Variants in HTT observed in about 807,000 individuals in gnomAD.
The protein encoded by HTT is huntingtin, also known as huntington disease protein.
Under a neutral mutation model 362.3 loss-of-function variants are expected in HTT, and 104 were observed. The observed-to-expected ratio is 0.29, with a 90% CI of 0.24 to 0.34. The LOEUF (loss-of-function observed/expected upper bound fraction) is 0.34, where lower values mean the gene tolerates loss of function less well. Ranked by LOEUF, HTT falls within the 10% of genes least tolerant of loss-of-function variation. The pLI is 1.00. For missense variants in HTT, 3,301 were observed against 3,928.6 expected (o/e 0.84, Z 4.27); for synonymous variants, 1,577 against 1,548.7 (o/e 1.02, Z -0.43).
chr4:3,094,218 G>A (rs1215978852), intron 2 of HTT, among the ~76,000 whole-genome samples: 2 of 152,014 alleles, frequency 1.3e-5, no homozygotes, highest in African/African-American at 4.8e-5. Flanking sequence ...ATGTTTCAGA[G>A]AGCACGGGGT....
chr4:3,152,792 C>T (rs1578542457), intron 26 of HTT, among the ~76,000 whole-genome samples: 1 of 151,682 alleles, frequency 6.6e-6, no homozygotes, highest in South Asian at 2.1e-4. Flanking sequence ...GACTACAGGC[C>T]CATGTCACCA....
At chr4:3,076,029 A>T (rs34045730) in intron 1 of HTT, among the ~76,000 whole-genome samples, 9,280 of 152,268 alleles carry the variant, frequency 0.061, 356 homozygotes, top group African/African-American at 0.099. Flanking sequence ...CCAGTATTCC[A>T]GTCAGGCTTG....
intron 26 of HTT, among the ~76,000 whole-genome samples, chr4:3,151,044 CAA>C (rs1716857559): frequency 7.5e-6 from 1 of 134,070 alleles, no homozygotes; most frequent in Non-Finnish European, 1.6e-5. Context: ...GTCTCAAAAA[CAA>C]AACAAAACAA....
intron 57 of HTT, among the ~76,000 whole-genome samples, chr4:3,226,921 TC>T (rs1467915152): frequency 6.6e-6 from 1 of 152,240 alleles, no homozygotes; most frequent in Non-Finnish European, 1.5e-5. Flanking sequence ...GTCCCACTCT[TC>T]TGTCCTTTCA....
chr4:3,155,685 A>G, intron 27 of HTT, among the ~76,000 whole-genome samples: 1 of 147,402 alleles, frequency 6.8e-6, no homozygotes, highest in African/African-American at 2.5e-5. Flanking sequence ...TTCAAGACCA[A>G]ACTGGCCAGC....
chr4:3,237,893 A>G (rs1306368046), intron 64 of HTT, among the ~76,000 whole-genome samples: 2 of 152,220 alleles, frequency 1.3e-5, no homozygotes, highest in African/African-American at 4.8e-5. Flanking sequence ...GTGTGGTAAC[A>G]AGAAAAAAGT....
intron 38 of HTT, among the ~76,000 whole-genome samples, chr4:3,187,375 G>A (rs887387439): frequency 6.6e-6 from 1 of 151,432 alleles, no homozygotes; most frequent in African/African-American, 2.4e-5. Flanking sequence ...CAGGATGGTC[G>A]CGATCTCCTG....
intron 33 of HTT, among the ~76,000 whole-genome samples, chr4:3,175,635 G>T (rs567843139): frequency 6.6e-6 from 1 of 152,188 alleles, no homozygotes; most frequent in African/African-American, 2.4e-5. Context: ...GCATTTGCAC[G>T]CTTCCCCTCT....
chr4:3,130,547 A>G (rs1715760001), intron 14 of HTT, 124 bp downstream of exon 14: 3 of 598,090 alleles, frequency 5.0e-6, no homozygotes, highest in Non-Finnish European at 9.1e-6. Flanking sequence ...CCCTTTAAAT[A>G]CCAGCTCTTC....
intron 3 of HTT, among the ~76,000 whole-genome samples, chr4:3,101,734 G>A (rs1042216882): frequency 6.6e-6 from 1 of 152,228 alleles, no homozygotes; most frequent in African/African-American, 2.4e-5. Context: ...AGGTAGGTTA[G>A]TCTCAGGCGG....
At chr4:3,217,722 A>T in intron 51 of HTT, 43 bp from the exon 52 acceptor site, 1 of 1,523,036 alleles carries the variant, frequency 6.6e-7, no homozygotes, top group Admixed American at 1.8e-5. Flanking sequence ...GGCATATAGG[A>T]TGTGTTTTTT....
intron 8 of HTT, among the ~76,000 whole-genome samples, chr4:3,119,531 G>A (rs1715193786): frequency 6.6e-6 from 1 of 152,160 alleles, no homozygotes; most frequent in South Asian, 2.1e-4. Flanking sequence ...TAACATTTGT[G>A]AACATTATTG....
At chr4:3,114,642 G>A (rs1211230661) in intron 6 of HTT, among the ~76,000 whole-genome samples, 1 of 152,192 alleles carries the variant, frequency 6.6e-6, no homozygotes, top group African/African-American at 2.4e-5. Context: ...ATGGGAAATG[G>A]ATGTTCTTAA....
intron 59 of HTT, 146 bp from the exon 60 acceptor site, chr4:3,229,741 C>CCA (rs1031636070): frequency 8.1e-6 from 7 of 862,052 alleles, no homozygotes; most frequent in East Asian, 2.5e-5. Context: ...CACGCATACA[C>CCA]CACACACACA....
At position 3,235,297 on chromosome 4, in the gene HTT, C is replaced by T. The variant is rs1268086695; in HGVS notation, c.8470C>T (p.His2824Tyr). The change falls in exon 62 of 67, where the codon CAC becomes TAC. Residue 2824 changes from histidine to tyrosine, a missense_variant. Transcript: ENST00000355072. ...LKGIAHCVNIHSQQHVLVMCA... is the reference protein window; with the variant it reads ...LKGIAHCVNIYSQQHVLVMCA... ...TCCCGTTTTCAGCTGCGTGAACATT[C>T]ACAGCCAGCAGCACGTACTGGTCAT... is the stretch of plus-strand genomic sequence containing the variant. The T allele has an allele frequency of 6.2e-7, 1 of 1,612,880 alleles. No homozygotes were observed.
chr4:3,229,492 A>T (rs764438303), intron 59 of HTT, among the ~76,000 whole-genome samples: 18 of 145,156 alleles, frequency 1.2e-4, no homozygotes, highest in Non-Finnish European at 2.6e-4. Flanking sequence ...CACACTACAC[A>T]CACGCCACGT....
chr4:3,238,217 G>A (rs1187787322), intron 64 of HTT, among the ~76,000 whole-genome samples: 3 of 152,194 alleles, frequency 2.0e-5, no homozygotes, highest in African/African-American at 4.8e-5. Flanking sequence ...CTGCCTCCAC[G>A]AGCTAGACAG....
intron 4 of HTT, among the ~76,000 whole-genome samples, chr4:3,104,915 A>T (rs1050222522): frequency 2.6e-5 from 4 of 152,126 alleles, no homozygotes; most frequent in Admixed American, 1.3e-4. Context: ...AAAGAAAAAC[A>T]AAAAAACAAA....
intron 8 of HTT, among the ~76,000 whole-genome samples, chr4:3,117,980 G>A (rs1172294409): frequency 1.3e-5 from 2 of 152,142 alleles, no homozygotes; most frequent in East Asian, 3.8e-4. Flanking sequence ...AAAATTGGTC[G>A]ATAAGGATTG....
Sources: gnomAD v4.1 joint callset for allele counts (sites outside exome capture counted in the v4.1 genomes callset) on GRCh38, gnomAD v4.1.1 for gene constraint, MANE v1.5 for transcripts, NCBI Gene and HGNC (gene_info 2026-07-23, HGNC 2026-07-21) for gene names.